DENND1A: variants seen among roughly 807,000 people sequenced by gnomAD.
DENND1A encodes the protein DENN domain containing 1A, also known as DENN domain-containing protein 1A.
A neutral mutation model predicts 113.7 loss-of-function variants in DENND1A; 51 were observed. The observed-to-expected ratio is 0.45, with a 90% CI of 0.36 to 0.57. The LOEUF is 0.57. DENND1A is among the 20% of genes least tolerant of loss of function. The pLI is 0.00. For synonymous variants in DENND1A, 565 were observed against 570.8 expected (o/e 0.99, Z 0.14); for missense variants, 1,258 against 1,395.9 (o/e 0.90, Z 1.57).
chr9:123,833,737 T>G (rs550170761), intron 2 of DENND1A, among the ~76,000 whole-genome samples: 1 of 150,128 alleles, frequency 6.7e-6, no homozygotes, highest in South Asian at 2.1e-4. Flanking sequence ...AAAGATCTTT[T>G]GTATTGATAA....
chr9:123,777,450 C>T (rs1830632384), intron 3 of DENND1A, among the ~76,000 whole-genome samples: 1 of 152,216 alleles, frequency 6.6e-6, no homozygotes, highest in African/African-American at 2.4e-5. Flanking sequence ...ACTGCAGCTT[C>T]ACAGTAGCTA....
chr9:123,617,435 G>C (rs1232584981), intron 10 of DENND1A, among the ~76,000 whole-genome samples: 2 of 152,210 alleles, frequency 1.3e-5, no homozygotes, highest in Admixed American at 6.5e-5. Context: ...GGGAAAGGGA[G>C]GACAATGCCC....
At chr9:123,383,470 G>A (rs1177446910) in intron 23 of DENND1A, among the ~76,000 whole-genome samples, 185 bp downstream of exon 23, 1 of 152,218 alleles carries the variant, frequency 6.6e-6, no homozygotes, top group Non-Finnish European at 1.5e-5. Context: ...TACCGTCACT[G>A]TTAGGGTGGT....
At chr9:123,448,719 C>A (rs1184099720) in intron 18 of DENND1A, among the ~76,000 whole-genome samples, 1 of 152,216 alleles carries the variant, frequency 6.6e-6, no homozygotes, top group Non-Finnish European at 1.5e-5. Flanking sequence ...CATTACAGAG[C>A]TTTTATTTCA....
At chr9:123,396,801 A>C (rs1476685389) in intron 21 of DENND1A, among the ~76,000 whole-genome samples, 2 of 152,322 alleles carry the variant, frequency 1.3e-5, no homozygotes, top group South Asian at 4.1e-4. Context: ...ACATGTTTGA[A>C]TGCCAGTCAC....
At chr9:123,785,868 C>G (rs1329321071) in intron 3 of DENND1A, among the ~76,000 whole-genome samples, 4 of 152,142 alleles carry the variant, frequency 2.6e-5, no homozygotes, top group South Asian at 2.1e-4. Flanking sequence ...GGAAAGTGAG[C>G]CTTTTGGGCA....
intron 9 of DENND1A, among the ~76,000 whole-genome samples, chr9:123,646,189 A>T (rs916722822): frequency 1.3e-5 from 2 of 152,182 alleles, no homozygotes; most frequent in African/African-American, 4.8e-5. Flanking sequence ...GAGCTATGCA[A>T]GTATTAACTC....
Position 123,381,217 on chromosome 9 carries a change from G to A in DENND1A, c.*215C>T. On this transcript the variant is annotated 3_prime_UTR_variant, in exon 24 of 24. Transcript: ENST00000394215. This position sits in a 1 kb window ranked among gnomAD's most constrained non-coding sequence, Gnocchi z 4.7. ...ACCGCGGGGTGGGATGGGCACTCAG[G>A]AACTGGGTTGATTCCCAGGCTGGAA... The A allele has an allele frequency of 1.7e-6, 1 of 603,784 alleles. No individual in the cohort carries two copies. Among genetic ancestry groups the A allele is most frequent in the Non-Finnish European group, 2.9e-6 (1 of 343,006 alleles). 37.4% of individuals were successfully genotyped at this position (603,784 alleles called of 1,614,324 possible).
chr9:123,452,232 G>C (rs1228837287), intron 17 of DENND1A, 44 bp downstream of exon 17: 1 of 1,534,758 alleles, frequency 6.5e-7, no homozygotes, highest in Admixed American at 1.7e-5. Context: ...ATCATGCTAA[G>C]GGACTGATCT....
At chr9:123,695,484 T>TA (rs1564964520) in intron 5 of DENND1A, among the ~76,000 whole-genome samples, 1 of 150,832 alleles carries the variant, frequency 6.6e-6, no homozygotes, top group Non-Finnish European at 1.5e-5. Flanking sequence ...TCATTGAGTT[T>TA]TATATATATA....
chr9:123,738,557 C>T (rs1240684549), intron 5 of DENND1A, among the ~76,000 whole-genome samples: 1 of 149,296 alleles, frequency 6.7e-6, no homozygotes, highest in Admixed American at 6.7e-5. Context: ...TTTTCTCTTC[C>T]CTCTTTCACC....
In DENND1A at chr9:123,763,522, A is replaced by G. The variant is rs547886327; in HGVS notation, c.183-5700T>C. On this transcript the variant is annotated intron_variant, in intron 4 of 23. Transcript: ENST00000394215. ...AAATGTCAAGTACAGAGTTGAATAC[A>G]CTAGTTAGGAAATCAGAGGAAACGT... 2.0e-5 allele frequency among the ~76,000 whole-genome samples: 3 copies of G among 152,306 alleles called. No individual in the cohort carries two copies. The South Asian group carries it at 6.2e-4, about 32-fold the overall frequency.
intron 9 of DENND1A, among the ~76,000 whole-genome samples, chr9:123,637,965 A>G (rs2061804641): frequency 6.6e-6 from 1 of 151,400 alleles, no homozygotes; most frequent in Non-Finnish European, 1.5e-5. Flanking sequence ...ACACACACAC[A>G]CACACACACC....
intron 8 of DENND1A, chr9:123,652,348 G>T: frequency 2.2e-6 from 1 of 456,424 alleles, no homozygotes; most frequent in Non-Finnish European, 4.0e-6. Context: ...TTACATCTTT[G>T]TGTGGTGATT....
At position 123,667,045 on chromosome 9, in the gene DENND1A, A is replaced by G; in HGVS notation, c.488T>C (p.Leu163Pro). Residue 163 changes from leucine to proline, a missense_variant, in exon 8 of 24, where the codon CTT becomes CCT. Around this residue, in one of 2 missense-constraint regions of DENND1A, gnomAD observed 1,159 missense variants for 1,231.7 expected, o/e 0.94. Coordinates refer to ENST00000394215, the MANE Select transcript of DENND1A (RefSeq NM_001352964.2). Reference sequence around the variant, plus strand: ...ACTTACATTCTCAGGTATGCTGGGAAGTTCTCTGGTATCAGGCACAGTAAA... The same window carrying G: ...ACTTACATTCTCAGGTATGCTGGGAGGTTCTCTGGTATCAGGCACAGTAAA... ...SYFTVPDTRE[L>P]PSIPENRNLT... 1 of 1,597,852 alleles carries G rather than the reference A, an allele frequency of 6.3e-7. No homozygotes were observed. Among genetic ancestry groups the G allele is most frequent in the South Asian group, 1.1e-5 (1 of 87,034 alleles).
intron 5 of DENND1A, among the ~76,000 whole-genome samples, chr9:123,727,676 A>T (rs1435148514): frequency 6.6e-6 from 1 of 152,176 alleles, no homozygotes; most frequent in Non-Finnish European, 1.5e-5. Context: ...GTATTTAATT[A>T]TTAGCTGTAC....
chr9:123,585,631 A>C (rs1035042012), intron 11 of DENND1A, among the ~76,000 whole-genome samples: 5 of 152,192 alleles, frequency 3.3e-5, no homozygotes, highest in Non-Finnish European at 7.3e-5. Flanking sequence ...AAGGTACAAA[A>C]ACAGCATCAA....
In DENND1A at chr9:123,845,670, C is replaced by CAA. The variant is rs555731367; in HGVS notation, c.88+33279_88+33280dup. Among the ~76,000 whole-genome samples, 415 of 42,218 alleles carry CAA rather than the reference C, an allele frequency of 9.8e-3. 1 individual carries two copies. The highest frequency in any genetic ancestry group is 0.011 in the African/African-American group (147 of 12,792). 27.7% of individuals were successfully genotyped at this position (42,218 alleles called of 152,430 possible). ...GGGTGACCAAGTGAGAACCTGTCTC[C>CAA]AAAAAAAAAAAAAAAAAAAAAAAAA... On this transcript the variant is annotated intron_variant, in intron 2 of 23. Coordinates refer to ENST00000394215, the MANE Select transcript of DENND1A (RefSeq NM_001352964.2).
intron 13 of DENND1A, chr9:123,492,593 T>C (rs1588822460): frequency 6.6e-6 from 1 of 152,194 alleles, no homozygotes; most frequent in East Asian, 1.9e-4. Flanking sequence ...AGTTTTAGGA[T>C]GAGATCTGTC....
Sources: gnomAD v4.1 joint callset for allele counts (sites outside exome capture counted in the v4.1 genomes callset) on GRCh38, gnomAD v4.1.1 for gene constraint, gnomAD v4.1.1 regional missense constraint, Gnocchi (gnomAD v3.1) non-coding constraint, MANE v1.5 for transcripts, NCBI Gene and HGNC (gene_info 2026-07-23, HGNC 2026-07-21) for gene names.